The following SRI variants were observed in gnomAD, a reference collection of about 807,000 sequenced individuals.
The protein encoded by SRI is sorcin.
In SRI, 30 loss-of-function variants were observed where a neutral mutation model predicts 33.3. The observed-to-expected ratio is 0.90, with a 90% CI of 0.67 to 1.22. The LOEUF is 1.22. SRI is among the 50% of genes most tolerant of loss of function. The probability of loss-of-function intolerance (pLI) is 0.00; values close to 1 mark genes in which losing one functional copy is unlikely to be tolerated. For missense variants in SRI, 243 were observed against 250.8 expected, an observed-to-expected ratio of 0.97 and a Z score of 0.21; for synonymous variants, 75 against 89.9, an observed-to-expected ratio of 0.83 and a Z score of 0.94.
Position 88,219,979 on chromosome 7 carries a change from G to C in SRI, c.48C>G (p.Gly16=). ...HPGAGGGYYP[G]GYGGAPGGPA... ...ATCCCGCGCAGTCAGCACTTACCCC[G>C]CCTGGGTAGTACCCGCCGCCGGCGC... The change falls in exon 1 of 8, where the codon GGC becomes GGG. Residue 16 remains glycine, a synonymous_variant. Coordinates refer to ENST00000265729, the MANE Select transcript of SRI (RefSeq NM_003130.4). The C allele has an allele frequency of 6.5e-7, 1 of 1,540,150 alleles. No individual in the cohort carries two copies.
intron 6 of SRI, 107 bp downstream of exon 6, chr7:88,209,232 A>T: frequency 1.1e-6 from 1 of 950,376 alleles, no homozygotes. Flanking sequence ...AAACTACTAA[A>T]GCAAGAAAAA....
intron 2 of SRI, among the ~76,000 whole-genome samples, chr7:88,218,362 T>C (rs1156869189): frequency 6.6e-6 from 1 of 152,192 alleles, no homozygotes; most frequent in Non-Finnish European, 1.5e-5. Flanking sequence ...TAACAGCATC[T>C]GCATCAAAGA....
rs567313198 is a variant in SRI at position 88,225,276 on chromosome 7, A to G, written c.6+1633T>C. On this transcript the variant is annotated intron_variant, in intron 1 of 7. Coordinates refer to the SRI transcript ENST00000394641. ...TATGGCTAAATATATATGCCTATAT[A>G]CATATATGTGTATGTATGTATATCA... Among the ~76,000 whole-genome samples, 4 of 152,336 alleles carry G rather than the reference A, an allele frequency of 2.6e-5. No individual in the cohort carries two copies. In the East Asian group the frequency reaches 5.8e-4, roughly 22 times the overall value.
intron 6 of SRI, 28 bp from the exon 7 acceptor site, chr7:88,208,593 GT>G: frequency 6.2e-7 from 1 of 1,612,940 alleles, no homozygotes; most frequent in Non-Finnish European, 8.5e-7. Context: ...AAAATTTATG[GT>G]TTTTCTTTAA....
chr7:88,220,407 A>G (rs1469010434), upstream of SRI, among the ~76,000 whole-genome samples: 2 of 138,718 alleles, frequency 1.4e-5, no homozygotes, highest in African/African-American at 2.7e-5. Flanking sequence ...CACATTTCTT[A>G]TTTTAAACAA....
At chr7:88,208,754 G>T in intron 6 of SRI, 189 bp from the exon 7 acceptor site, 1 of 819,728 alleles carries the variant, frequency 1.2e-6, no homozygotes, top group South Asian at 2.0e-5. Flanking sequence ...ATGCAACAAA[G>T]TAACAGGCAG....
intron 3 of SRI, among the ~76,000 whole-genome samples, chr7:88,212,020 C>G (rs1851590131): frequency 6.6e-6 from 1 of 152,212 alleles, no homozygotes; most frequent in Admixed American, 6.5e-5. Context: ...AGCTACAACG[C>G]TAAATGGCAG....
At chr7:88,216,375 G>T (rs765252705) in intron 3 of SRI, among the ~76,000 whole-genome samples, 15 of 152,138 alleles carry the variant, frequency 9.9e-5, no homozygotes, top group Admixed American at 2.0e-4. Context: ...GGAGCAGCAG[G>T]TCCAGTAAGT....
At chr7:88,214,930 C>A in intron 3 of SRI, 1 of 740,210 alleles carries the variant, frequency 1.4e-6, no homozygotes, top group Non-Finnish European at 2.1e-6. Flanking sequence ...TTATCACAGA[C>A]GAACAACTAA....
At chr7:88,211,050 A>G in intron 3 of SRI, 125 bp from the exon 4 acceptor site, 1 of 770,236 alleles carries the variant, frequency 1.3e-6, no homozygotes, top group Admixed American at 2.4e-5. Flanking sequence ...CTATCAATTT[A>G]CGTGTGACTA....
chr7:88,219,866 C>G (rs1366721026), intron 1 of SRI, 110 bp downstream of exon 1: 2 of 1,358,498 alleles, frequency 1.5e-6, no homozygotes, highest in Non-Finnish European at 2.0e-6. Context: ...GCGGAAGGAG[C>G]CCGGGTAGCC....
intron 3 of SRI, among the ~76,000 whole-genome samples, chr7:88,213,814 T>C (rs1010110555): frequency 2.0e-5 from 3 of 152,202 alleles, no homozygotes; most frequent in African/African-American, 2.4e-5. Flanking sequence ...AATTTTCTAA[T>C]CTTTACTAAT....
intron 7 of SRI, among the ~76,000 whole-genome samples, chr7:88,207,048 G>A (rs1054910751): frequency 1.5e-4 from 23 of 152,344 alleles, no homozygotes; most frequent in African/African-American, 5.5e-4. Context: ...AGTATTTGCT[G>A]TGAAATGTTG....
upstream of SRI, among the ~76,000 whole-genome samples, chr7:88,222,872 C>T (rs1055350653): frequency 2.6e-5 from 4 of 152,066 alleles, no homozygotes; most frequent in East Asian, 1.9e-4. Flanking sequence ...AAGATTTAAA[C>T]GTTAGACCTA....
chr7:88,218,775 A>G (rs1851799162), intron 2 of SRI, 84 bp downstream of exon 2: 2 of 1,313,328 alleles, frequency 1.5e-6, no homozygotes, highest in African/African-American at 2.9e-5. Context: ...TACCACAGGA[A>G]GTTCGCTTTT....
At chr7:88,226,305 G>A (rs1027639386) in intron 1 of SRI, among the ~76,000 whole-genome samples, 20 of 152,128 alleles carry the variant, frequency 1.3e-4, no homozygotes, top group African/African-American at 1.9e-4. Flanking sequence ...CTGGAGCCGG[G>A]GTAGAGCAGG....
intron 3 of SRI, among the ~76,000 whole-genome samples, chr7:88,215,741 A>C (rs182736030): frequency 7.1e-6 from 1 of 140,098 alleles, no homozygotes; most frequent in East Asian, 1.9e-4. Flanking sequence ...AATAGTTTTT[A>C]AAAAAAGGCC....
At position 88,218,698 on chromosome 7, in the gene SRI, A is replaced by G; in HGVS notation, c.135+161T>C. 1.3e-5 allele frequency: 8 copies of G among 629,928 alleles called. 1 individual carries two copies. The South Asian group carries it at 1.4e-4, about 11-fold the overall frequency. 39.0% of individuals were successfully genotyped at this position (629,928 alleles called of 1,614,324 possible). On this transcript the variant is annotated intron_variant, in intron 2 of 7. Transcript: ENST00000265729. The stretch of plus-strand genomic sequence containing the variant: ...CACTTTGTCCTCATTTATTCTGAAC[A>G]TTCAGAAATAAAAAACTAAAATAAG...
At chr7:88,210,305 T>C (rs1212740554) in intron 4 of SRI, 175 bp from the exon 5 acceptor site, 1 of 737,158 alleles carries the variant, frequency 1.4e-6, no homozygotes, top group African/African-American at 1.8e-5. Context: ...GAGAAAAAGC[T>C]CAAGTGCCAA....
Sources: gnomAD v4.1 joint callset for allele counts (sites outside exome capture counted in the v4.1 genomes callset) on GRCh38, gnomAD v4.1.1 for gene constraint, MANE v1.5 for transcripts, NCBI Gene and HGNC (gene_info 2026-07-23, HGNC 2026-07-21) for gene names.